The following GRM8 variants were observed in gnomAD, a reference collection of about 807,000 sequenced individuals.
GRM8 encodes glutamate metabotropic receptor 8, also known as metabotropic glutamate receptor 8.
GRM8 carries 47 observed loss-of-function variants against 87.2 expected under a neutral mutation model. That is an observed-to-expected ratio of 0.54 (90% CI 0.43 to 0.69). GRM8 has a LOEUF of 0.69. GRM8 is among the 30% of genes least tolerant of loss of function. The probability of loss-of-function intolerance (pLI) is 0.00; values close to 1 mark genes in which losing one functional copy is unlikely to be tolerated. For synonymous variants in GRM8, 396 were observed against 404.5 expected, an observed-to-expected ratio of 0.98 and a Z score of 0.25; for missense variants, 1,019 against 1,139.2, an observed-to-expected ratio of 0.89 and a Z score of 1.52.
chr7:127,219,237 A>G (rs1432773851), intron 2 of GRM8, among the ~76,000 whole-genome samples: 1 of 152,184 alleles, frequency 6.6e-6, no homozygotes, highest in Non-Finnish European at 1.5e-5. Context: ...CAGCCAAGGA[A>G]GGAAGCCACA....
intron 2 of GRM8, among the ~76,000 whole-genome samples, chr7:127,185,805 A>G (rs542222610): frequency 3.5e-4 from 54 of 152,292 alleles, no homozygotes; most frequent in African/African-American, 1.1e-3. Context: ...GAATCTATGT[A>G]TACAATTTGG....
rs555577102 is a variant in GRM8, at chr7:127,035,562, TCTAA to T, written c.727+70930_727+70933del. Among the ~76,000 whole-genome samples the T allele has an allele frequency of 2.2e-3, 339 of 152,288 alleles. 4 individuals are homozygous for T. The highest frequency in any genetic ancestry group is 7.8e-3 in the African/African-American group (326 of 41,566). On this transcript the variant is annotated intron_variant, in intron 3 of 10. Transcript: ENST00000339582. ...TATTACTTGTTTCTCAGCTTATCTCTCTAACTAAATACTGAGCTCCTCAAAAGGC... is the reference window on the plus strand; with the variant it reads ...TATTACTTGTTTCTCAGCTTATCTCTCTAAATACTGAGCTCCTCAAAAGGC...
chr7:127,035,485 C>T (rs1015702899), intron 3 of GRM8, among the ~76,000 whole-genome samples: 35 of 152,324 alleles, frequency 2.3e-4, no homozygotes, highest in African/African-American at 7.9e-4. Flanking sequence ...GCTTCAGCCA[C>T]TTGGAGCGCC....
intron 2 of GRM8, among the ~76,000 whole-genome samples, chr7:127,219,080 T>C (rs1199477735): frequency 6.6e-6 from 1 of 152,196 alleles, no homozygotes; most frequent in Non-Finnish European, 1.5e-5. Flanking sequence ...AAAGCATGAG[T>C]GATAACAAAT....
rs550414570 is a variant in GRM8 at position 127,209,240 on chromosome 7, A to T, written c.510+33455T>A. 5.3e-5 allele frequency among the ~76,000 whole-genome samples: 8 copies of T among 152,346 alleles called. No homozygotes were observed. The South Asian group carries it at 1.5e-3, about 28-fold the overall frequency. ...ATCCATCTGGAAACTGCACTGGATA[A>T]GGAGCAGGGATACACAGCAGTGGCT... is the stretch of plus-strand genomic sequence containing the variant. On this transcript the variant is annotated intron_variant, in intron 2 of 10. Transcript: ENST00000339582.
intron 2 of GRM8, among the ~76,000 whole-genome samples, chr7:127,142,647 T>C (rs1352460297): frequency 1.3e-5 from 2 of 152,142 alleles, no homozygotes; most frequent in African/African-American, 2.4e-5. Context: ...TTGATAGATA[T>C]ATGATAGATG....
chr7:126,943,444 G>T (rs1014267940), intron 3 of GRM8, among the ~76,000 whole-genome samples: 2 of 152,236 alleles, frequency 1.3e-5, no homozygotes, highest in African/African-American at 4.8e-5. Flanking sequence ...CCAATAGGAG[G>T]CTAGGAAGTC....
intron 2 of GRM8, among the ~76,000 whole-genome samples, chr7:127,149,712 A>G (rs1458318007): frequency 1.3e-5 from 2 of 152,038 alleles, no homozygotes; most frequent in East Asian, 3.9e-4. Context: ...ACAAATATAC[A>G]ATGGAATATT....
At chr7:127,099,868 T>C (rs1825051337) in intron 3 of GRM8, among the ~76,000 whole-genome samples, 1 of 152,104 alleles carries the variant, frequency 6.6e-6, no homozygotes, top group Non-Finnish European at 1.5e-5. Flanking sequence ...AAGAGGGTCA[T>C]TGCAAATGTA....
intron 7 of GRM8, among the ~76,000 whole-genome samples, chr7:126,748,602 G>GTTT (rs35336284): frequency 5.9e-5 from 7 of 118,758 alleles, no homozygotes; most frequent in African/African-American, 1.3e-4. Flanking sequence ...AGCAGGTCGG[G>GTTT]TTTTTTTTTT....
intron 6 of GRM8, among the ~76,000 whole-genome samples, chr7:126,825,406 G>C (rs1219782049): frequency 2.0e-5 from 3 of 152,090 alleles, no homozygotes; most frequent in Non-Finnish European, 4.4e-5. Context: ...AACTCAATGA[G>C]TGTTATTTTC....
In GRM8 at chr7:126,578,900, T is replaced by C. The variant is rs77097698; in HGVS notation, c.1494+30462A>G. On this transcript the variant is annotated intron_variant, in intron 8 of 10. Coordinates refer to ENST00000339582, the MANE Select transcript of GRM8 (RefSeq NM_000845.3). ...TCTCTTCCCATCCTGGCCTCATCCA[T>C]TTGAAGCAAGGGTGACAACCTTGTT... Among the ~76,000 whole-genome samples, 878 of 152,228 alleles carry C rather than the reference T, an allele frequency of 5.8e-3. 9 individuals are homozygous for C. The highest frequency in any genetic ancestry group is 0.02 in the African/African-American group (825 of 41,540).
At chr7:126,516,968 CTT>C (rs1459377175) in intron 9 of GRM8, among the ~76,000 whole-genome samples, 1 of 151,852 alleles carries the variant, frequency 6.6e-6, no homozygotes, top group African/African-American at 2.4e-5. Flanking sequence ...AAAAAAAAGT[CTT>C]ATAAACAAAT....
intron 9 of GRM8, among the ~76,000 whole-genome samples, chr7:126,487,817 AT>A (rs1807550811): frequency 6.6e-6 from 1 of 152,070 alleles, no homozygotes; most frequent in African/African-American, 2.4e-5. Context: ...ATTTTCCAAA[AT>A]TCTACTTTTT....
At chr7:126,518,228 G>C (rs948141309) in intron 9 of GRM8, among the ~76,000 whole-genome samples, 2 of 152,192 alleles carry the variant, frequency 1.3e-5, no homozygotes, top group Middle Eastern at 3.4e-3. Flanking sequence ...TTTCTAATAA[G>C]AGATTACTTT....
At chr7:126,949,595 T>C (rs1286501746) in intron 3 of GRM8, among the ~76,000 whole-genome samples, 2 of 152,212 alleles carry the variant, frequency 1.3e-5, no homozygotes, top group African/African-American at 4.8e-5. Flanking sequence ...GAATTGGAGT[T>C]AAGAATGTCC....
intron 7 of GRM8, among the ~76,000 whole-genome samples, chr7:126,662,527 G>C (rs1349005646): frequency 6.6e-6 from 1 of 152,036 alleles, no homozygotes; most frequent in African/African-American, 2.4e-5. Context: ...AAATAATTCA[G>C]AAAACAAAAA....
In GRM8 at chr7:126,677,054, G is replaced by A. The variant is rs150902048; in HGVS notation, c.1358-67556C>T. 2.2e-4 allele frequency among the ~76,000 whole-genome samples: 33 copies of A among 152,108 alleles called. No individual in the cohort carries two copies. In the East Asian group the frequency reaches 4.8e-3, roughly 22 times the overall value. On this transcript the variant is annotated intron_variant, in intron 7 of 10. Transcript: ENST00000339582. ...ATTAAAAAGTGGGACATGAAGAGACGTTTCTGAAAAGAAGATACACAAATG... is the reference window on the plus strand; with the variant it reads ...ATTAAAAAGTGGGACATGAAGAGACATTTCTGAAAAGAAGATACACAAATG...
intron 3 of GRM8, among the ~76,000 whole-genome samples, chr7:126,915,318 C>T (rs1156866933): frequency 3.3e-5 from 5 of 152,196 alleles, no homozygotes. Context: ...TCAATCGACA[C>T]TCAACACATT....
Sources: gnomAD v4.1 joint callset for allele counts (sites outside exome capture counted in the v4.1 genomes callset) on GRCh38, gnomAD v4.1.1 for gene constraint, MANE v1.5 for transcripts, NCBI Gene and HGNC (gene_info 2026-07-23, HGNC 2026-07-21) for gene names.